PDGFD: variants seen among roughly 807,000 people sequenced by gnomAD.
PDGFD encodes the protein platelet derived growth factor D, also known as platelet-derived growth factor D.
PDGFD carries 30 observed loss-of-function variants against 44.7 expected under a neutral mutation model. That is an observed-to-expected ratio of 0.67 (90% CI 0.50 to 0.91). The LOEUF is 0.91. PDGFD is among the 40% of genes least tolerant of loss of function. The probability of loss-of-function intolerance (pLI) is 0.00; values close to 1 mark genes in which losing one functional copy is unlikely to be tolerated. For synonymous variants in PDGFD, 173 were observed against 168.4 expected (o/e 1.03, Z -0.21); for missense variants, 445 against 457.8 (o/e 0.97, Z 0.25).
At chr11:103,990,797 T>C (rs550229017) in intron 3 of PDGFD, among the ~76,000 whole-genome samples, 129 of 152,202 alleles carry the variant, frequency 8.5e-4, no homozygotes, top group Middle Eastern at 6.8e-3. Flanking sequence ...GTGTTCCGAA[T>C]AGTCAATTCC....
chr11:104,028,458 C>G (rs1448330249), intron 1 of PDGFD, among the ~76,000 whole-genome samples: 2 of 147,776 alleles, frequency 1.4e-5, no homozygotes, highest in Admixed American at 6.8e-5. Flanking sequence ...TTCAGGCTGG[C>G]TTGCTGCATA....
intron 3 of PDGFD, among the ~76,000 whole-genome samples, chr11:103,956,004 T>C (rs1405644469): frequency 2.6e-5 from 4 of 152,106 alleles, no homozygotes; most frequent in African/African-American, 9.7e-5. Flanking sequence ...TCCTACATTA[T>C]GAGAAAAGGA....
chr11:104,072,267 T>C (rs1860890343), intron 1 of PDGFD, among the ~76,000 whole-genome samples: 1 of 151,888 alleles, frequency 6.6e-6, no homozygotes, highest in African/African-American at 2.4e-5. Flanking sequence ...CTACTCTATG[T>C]GTTTCAGTAG....
intron 1 of PDGFD, among the ~76,000 whole-genome samples, chr11:104,162,039 G>A (rs1407896566): frequency 6.6e-6 from 1 of 151,226 alleles, no homozygotes; most frequent in East Asian, 1.9e-4. Flanking sequence ...AGAAATCCAG[G>A]GTAGTTTTTA....
chr11:104,012,428 T>C (rs1197795640), intron 1 of PDGFD, among the ~76,000 whole-genome samples: 1 of 152,244 alleles, frequency 6.6e-6, no homozygotes, highest in Non-Finnish European at 1.5e-5. Flanking sequence ...CATGCTATTA[T>C]CATTTTATTA....
chr11:104,099,649 A>AATG (rs1861341099), intron 1 of PDGFD, among the ~76,000 whole-genome samples: 2 of 146,290 alleles, frequency 1.4e-5, no homozygotes, highest in East Asian at 4.0e-4. Flanking sequence ...TAATAATAAT[A>AATG]ATAATAATAA....
chr11:104,009,080 AT>A (rs1297640575), intron 1 of PDGFD, among the ~76,000 whole-genome samples: 1 of 152,084 alleles, frequency 6.6e-6, no homozygotes, highest in East Asian at 1.9e-4. Flanking sequence ...TTAAGGGATT[AT>A]TTTTGGAAGA....
intron 1 of PDGFD, among the ~76,000 whole-genome samples, chr11:104,132,292 T>G (rs1040091084): frequency 1.8e-4 from 27 of 152,220 alleles, no homozygotes; most frequent in African/African-American, 6.5e-4. Flanking sequence ...TTTTAAAAAT[T>G]TGCACAAGTA....
chr11:103,968,075 G>T (rs1274193138), intron 3 of PDGFD, among the ~76,000 whole-genome samples: 1 of 152,080 alleles, frequency 6.6e-6, no homozygotes, highest in Non-Finnish European at 1.5e-5. Context: ...CGTCTTTCTT[G>T]CGTTAACATT....
rs1370311545 is a variant in PDGFD at position 104,046,887 on chromosome 11, C to T, written c.125-46632G>A. ...GGTATTTATCCTAATGCTATCCCTC[C>T]CCTAGCCCTCCACCCCCGACAGGCT... On this transcript the variant is annotated intron_variant, in intron 1 of 6. Transcript: ENST00000393158. Among the ~76,000 whole-genome samples, 2 of 146,300 alleles carry T rather than the reference C, an allele frequency of 1.4e-5. 1 individual carries two copies. The highest frequency in any genetic ancestry group is 5.0e-5 in the African/African-American group (2 of 40,162).
intron 5 of PDGFD, among the ~76,000 whole-genome samples, chr11:103,931,125 A>G (rs907235612): frequency 4.6e-5 from 7 of 152,222 alleles, no homozygotes; most frequent in Non-Finnish European, 1.0e-4. Flanking sequence ...CTTGGCAAGC[A>G]CAACATGGGT....
intron 2 of PDGFD, among the ~76,000 whole-genome samples, chr11:103,998,344 T>C (rs1859568170): frequency 6.6e-6 from 1 of 152,150 alleles, no homozygotes; most frequent in Non-Finnish European, 1.5e-5. Flanking sequence ...TAGAGAGTTG[T>C]AAATTTTGGC....
intron 3 of PDGFD, among the ~76,000 whole-genome samples, chr11:103,971,525 G>T (rs1306376723): frequency 6.7e-6 from 1 of 148,322 alleles, no homozygotes; most frequent in East Asian, 2.0e-4. Context: ...GTGAGAAATG[G>T]ATTAACAGCA....
intron 3 of PDGFD, among the ~76,000 whole-genome samples, chr11:103,950,394 CAAAAA>C (rs375762671): frequency 3.7e-5 from 4 of 107,776 alleles, no homozygotes; most frequent in Non-Finnish European, 2.0e-5. Flanking sequence ...ACTAATAATA[CAAAAA>C]AAAAAAAAAA....
chr11:104,088,438 C>T (rs575431204), intron 1 of PDGFD, among the ~76,000 whole-genome samples: 32 of 152,160 alleles, frequency 2.1e-4, no homozygotes, highest in Admixed American at 5.9e-4. Flanking sequence ...CAATTCATCC[C>T]TTCATTCTGA....
chr11:104,055,855 T>A (rs1860610283), intron 1 of PDGFD, among the ~76,000 whole-genome samples: 1 of 152,168 alleles, frequency 6.6e-6, no homozygotes, highest in Non-Finnish European at 1.5e-5. Flanking sequence ...CATTTAGATG[T>A]GCTTCCTTCA....
At chr11:104,021,395 A>G (rs144105503) in intron 1 of PDGFD, among the ~76,000 whole-genome samples, 2 of 152,236 alleles carry the variant, frequency 1.3e-5, no homozygotes, top group African/African-American at 4.8e-5. Flanking sequence ...TACTCCCTCT[A>G]ATGTCAACCA....
chr11:103,962,886 T>C (rs1858961253), intron 3 of PDGFD, among the ~76,000 whole-genome samples: 1 of 152,124 alleles, frequency 6.6e-6, no homozygotes, highest in Admixed American at 6.5e-5. Flanking sequence ...TTCTAACATA[T>C]TATTTTTTTT....
In PDGFD at chr11:103,926,907, C is replaced by T. The variant is rs1858323625; in HGVS notation, c.987+5G>A. On this transcript the variant is annotated splice_donor_5th_base_variant and intron_variant, in intron 6 of 6. Transcript: ENST00000393158. ...ATTGCAACAAGAAATCTAAGAATGA[C>T]ATACCTCATGATACTTTTTCACGGT... is the stretch of plus-strand genomic sequence containing the variant. 10 of 1,611,438 alleles carry T rather than the reference C, an allele frequency of 6.2e-6. No individual in the cohort carries two copies. The highest frequency in any genetic ancestry group is 1.1e-5 in the South Asian group (1 of 90,716).
Sources: allele counts gnomAD v4.1 joint callset (sites outside exome capture counted in the v4.1 genomes callset), GRCh38; gene constraint gnomAD v4.1.1; transcripts MANE v1.5; gene names NCBI Gene and HGNC (gene_info 2026-07-23, HGNC 2026-07-21).